The following RIPK4 variants were observed in gnomAD, a reference collection of about 807,000 sequenced individuals.
The protein encoded by RIPK4 is receptor-interacting serine/threonine-protein kinase 4.
Under a neutral mutation model 42.9 loss-of-function variants are expected in RIPK4, and 17 were observed. That is an observed-to-expected ratio of 0.40 (90% CI 0.27 to 0.59). The LOEUF (loss-of-function observed/expected upper bound fraction) is 0.59, where lower values mean the gene tolerates loss of function less well. Among genes scored for constraint, RIPK4 ranks in the 20% least tolerant of loss-of-function variants. The pLI is 0.47. For synonymous variants in RIPK4, 498 were observed against 499.1 expected, an observed-to-expected ratio of 1.00 and a Z score of 0.03; for missense variants, 897 against 1,104.4, an observed-to-expected ratio of 0.81 and a Z score of 2.66.
intron 1 of RIPK4, among the ~76,000 whole-genome samples, chr21:41,758,161 A>C (rs2146058338): frequency 6.8e-6 from 1 of 147,752 alleles, no homozygotes; most frequent in South Asian, 2.2e-4. Context: ...CCACATTCAC[A>C]ATGTGGTACA....
At chr21:41,760,558 C>T (rs959351896) in intron 1 of RIPK4, among the ~76,000 whole-genome samples, 2 of 152,208 alleles carry the variant, frequency 1.3e-5, no homozygotes, top group African/African-American at 4.8e-5. Flanking sequence ...GCGGAGCAGT[C>T]GCTGTGGATC....
chr21:41,745,637 G>C (rs1054435331), intron 6 of RIPK4, 122 bp downstream of exon 6: 1 of 709,772 alleles, frequency 1.4e-6, no homozygotes, highest in African/African-American at 1.8e-5. Context: ...TTGGGTGCGG[G>C]ATGGGCTCAG....
chr21:41,743,591 G>A (rs1414487857), intron 7 of RIPK4, among the ~76,000 whole-genome samples: 1 of 152,220 alleles, frequency 6.6e-6, no homozygotes, highest in African/African-American at 2.4e-5. Flanking sequence ...CTGCACTGGA[G>A]GGGGTTTCCA....
chr21:41,762,637 G>T (rs770313264), intron 1 of RIPK4, among the ~76,000 whole-genome samples: 12 of 152,202 alleles, frequency 7.9e-5, no homozygotes, highest in Non-Finnish European at 1.6e-4. Context: ...TCAGGTACTC[G>T]AAGCACAGAA....
rs1180605135 is a variant in RIPK4 at position 41,742,942 on chromosome 21, G to A, written c.1195+940C>T. On this transcript the variant is annotated intron_variant, in intron 7 of 7. Coordinates refer to ENST00000332512, the MANE Select transcript of RIPK4 (RefSeq NM_020639.3). The surrounding 1 kb of genome is among the most constrained non-coding windows in gnomAD (Gnocchi z 5.1). ...GCCCATCACCCACTGCTTATCTGCC[G>A]TCGAACCAGGTCTTCCCCACTGTGT... 4.6e-5 allele frequency among the ~76,000 whole-genome samples: 7 copies of A among 152,104 alleles called. No individual in the cohort carries two copies. The highest frequency in any genetic ancestry group is 2.0e-4 in the Admixed American group (3 of 15,264).
In RIPK4 at chr21:41,762,985, C is replaced by T. The variant is rs988715603; in HGVS notation, c.182+3875G>A. Among the ~76,000 whole-genome samples, 59 of 152,202 alleles carry T rather than the reference C, an allele frequency of 3.9e-4. 1 individual carries two copies. The highest frequency in any genetic ancestry group is 7.3e-5 in the Non-Finnish European group (5 of 68,044). ...TTAAAACACAACCTAAAAACTGTGC[C>T]TTGCTCCAAGCGCAGCTACGCTTAG... On this transcript the variant is annotated intron_variant, in intron 1 of 7. Transcript: ENST00000332512.
chr21:41,753,315 C>T (rs985271446), intron 2 of RIPK4, among the ~76,000 whole-genome samples: 1 of 152,206 alleles, frequency 6.6e-6, no homozygotes, highest in South Asian at 2.1e-4. Context: ...GTGCAGAGAT[C>T]TCAGCCTGGT....
At chr21:41,765,220 T>C (rs115756221) in intron 1 of RIPK4, among the ~76,000 whole-genome samples, 1,886 of 152,258 alleles carry the variant, frequency 0.012, 31 homozygotes, top group African/African-American at 0.041. Flanking sequence ...CCCCAAGAGA[T>C]AAAACGAATG....
At position 41,751,145 on chromosome 21, in the gene RIPK4, C is replaced by T. The variant is rs147599366; in HGVS notation, c.575G>A (p.Arg192His). Residue 192 changes from arginine to histidine, a missense_variant, in exon 3 of 8, where the codon CGC becomes CAC. By Grantham distance (29) the Arg-to-His change is conservative. Coordinates refer to ENST00000332512, the MANE Select transcript of RIPK4 (RefSeq NM_020639.3). This position sits in a 1 kb window ranked among gnomAD's most constrained non-coding sequence, Gnocchi z 4.5. The stretch of plus-strand genomic sequence containing the variant: ...GAAGAGCCGGCTCTTCTCCCTGATG[C>T]GCTCTGGAGGGAGGTAGGCGATTGT... ...FGTIAYLPPERIREKSRLFDT... is the reference protein window; with the variant it reads ...FGTIAYLPPEHIREKSRLFDT... 29 of 1,614,184 alleles carry T rather than the reference C, an allele frequency of 1.8e-5. No individual in the cohort carries two copies. The Middle Eastern group carries it at 8.3e-4, about 46-fold the overall frequency.
chr21:41,754,282 C>T (rs1250577517), intron 2 of RIPK4, among the ~76,000 whole-genome samples: 3 of 152,204 alleles, frequency 2.0e-5, no homozygotes, highest in Non-Finnish European at 2.9e-5. Flanking sequence ...CTGCACTCTA[C>T]GCACACCAGT....
At chr21:41,759,864 C>T (rs2061215612) in intron 1 of RIPK4, among the ~76,000 whole-genome samples, 1 of 152,232 alleles carries the variant, frequency 6.6e-6, no homozygotes, top group African/African-American at 2.4e-5. Context: ...CTGTTTAGCT[C>T]TTGCTGTGGA....
rs151200820 is a variant in RIPK4 at position 41,741,995 on chromosome 21, G to C, written c.1198C>G (p.Leu400Val). The C allele has an allele frequency of 4.3e-4, 681 of 1,578,456 alleles. No homozygotes were observed. Among genetic ancestry groups the C allele is most frequent in the Middle Eastern group, 6.8e-4 (4 of 5,922 alleles). Residue 400 changes from leucine to valine, a missense_variant and splice_region_variant, in exon 8 of 8, where the codon CTG (leucine) becomes GTG (valine). By Grantham distance (32) the Leu-to-Val change is conservative. Coordinates refer to ENST00000332512, the MANE Select transcript of RIPK4 (RefSeq NM_020639.3). Reference sequence around the variant, plus strand: ...TTCTTCTGGACGTCTGTGGTGCCCAGATCTGCAGGGAGAGGAGAGGCAAAG... The same window carrying C: ...TTCTTCTGGACGTCTGTGGTGCCCACATCTGCAGGGAGAGGAGAGGCAAAG... ...SFEREPSTSD[L>V]GTTDVQKKKL...
chr21:41,749,889 T>TAAAAAAAAAAAAAAAAAAAAAAAAAAAA (rs776305508), intron 3 of RIPK4, among the ~76,000 whole-genome samples: 1 of 99,398 alleles, frequency 1.0e-5, no homozygotes, highest in African/African-American at 3.6e-5. Context: ...CCAAATTGAT[T>TAAAAAAAAAAAAAAAAAAAAAAAAAAAA]AAAAAAAAAA....
At chr21:41,743,430 C>T (rs2061160569) in intron 7 of RIPK4, among the ~76,000 whole-genome samples, 1 of 152,266 alleles carries the variant, frequency 6.6e-6, no homozygotes, top group African/African-American at 2.4e-5. Flanking sequence ...ATAACCAACA[C>T]ATTACTAGGC....
Position 41,742,076 on chromosome 21 carries a change from C to T in RIPK4, c.1196-79G>A, listed in dbSNP as rs762846563. 9 of 1,321,558 alleles carry T rather than the reference C, an allele frequency of 6.8e-6. No individual in the cohort carries two copies. Among genetic ancestry groups the T allele is most frequent in the East Asian group, 2.3e-5 (1 of 43,010 alleles). 81.9% of individuals were successfully genotyped at this position (1,321,558 alleles called of 1,614,324 possible). A position where few individuals can be genotyped will look rare whatever the true frequency, so the allele number is the denominator to read the frequency against. ...GGCGTCTCTGGGAGCCTGGCTGTGG[C>T]GCTCAGGTGGAGGAGTGCCATGGCC... On this transcript the variant is annotated intron_variant, in intron 7 of 7. Transcript: ENST00000332512. This position sits in a 1 kb window ranked among gnomAD's most constrained non-coding sequence, Gnocchi z 5.1.
At chr21:41,757,359 T>C (rs1332050551) in intron 1 of RIPK4, among the ~76,000 whole-genome samples, 1 of 151,600 alleles carries the variant, frequency 6.6e-6, no homozygotes, top group Non-Finnish European at 1.5e-5. Context: ...CCGTCTCTAC[T>C]AAAAATACAA....
intron 4 of RIPK4, 179 bp from the exon 5 acceptor site, chr21:41,746,950 G>A (rs1428026936): frequency 1.5e-6 from 1 of 646,830 alleles, no homozygotes; most frequent in Non-Finnish European, 2.6e-6. Context: ...CACCCTCATG[G>A]TGCGCCATGC....
At chr21:41,756,931 C>G in intron 1 of RIPK4, 115 bp from the exon 2 acceptor site, 1 of 1,030,538 alleles carries the variant, frequency 9.7e-7, no homozygotes, top group Non-Finnish European at 1.4e-6. Flanking sequence ...GCCTCAAGTG[C>G]ACACACATGG....
chr21:41,759,373 T>C (rs57996973), intron 1 of RIPK4, among the ~76,000 whole-genome samples: 3,053 of 152,238 alleles, frequency 0.02, 106 homozygotes, highest in African/African-American at 0.07. Context: ...ATTACAGGCA[T>C]GAGTCACCGT....
Sources: allele counts gnomAD v4.1 joint callset (sites outside exome capture counted in the v4.1 genomes callset), GRCh38; gene constraint gnomAD v4.1.1; non-coding constraint Gnocchi (gnomAD v3.1); transcripts MANE v1.5; gene names NCBI Gene and HGNC (gene_info 2026-07-23, HGNC 2026-07-21).